The following MTSS1 variants were observed in gnomAD, a reference collection of about 807,000 sequenced individuals.
MTSS1 encodes MTSS I-BAR domain containing 1.
Under a neutral mutation model 79.0 loss-of-function variants are expected in MTSS1, and 18 were observed. The ratio of observed to expected loss-of-function variants is 0.23; its 90% CI spans 0.16 to 0.34. MTSS1 has a LOEUF of 0.34. Ranked by LOEUF, MTSS1 falls within the 10% of genes least tolerant of loss-of-function variation. MTSS1 has a pLI of 1.00. For synonymous variants in MTSS1, 341 were observed against 368.6 expected (o/e 0.93, Z 0.86); for missense variants, 815 against 986.2 (o/e 0.83, Z 2.33).
chr8:124,556,655 G>T (rs1481884773), intron 11 of MTSS1: 8 of 517,104 alleles, frequency 1.5e-5, no homozygotes, highest in Non-Finnish European at 6.8e-6. Flanking sequence ...TCACCCACCA[G>T]GTGGCAGCAG....
intron 3 of MTSS1, among the ~76,000 whole-genome samples, chr8:124,650,043 T>TC (rs1269782004): frequency 7.9e-5 from 12 of 151,044 alleles, no homozygotes; most frequent in Non-Finnish European, 1.2e-4. Flanking sequence ...TTTTTTTTTT[T>TC]CCCTCGAGAT....
At chr8:124,593,510 C>T (rs1371543375) in intron 3 of MTSS1, among the ~76,000 whole-genome samples, 1 of 152,140 alleles carries the variant, frequency 6.6e-6, no homozygotes, top group East Asian at 1.9e-4. Context: ...AAACAAAATC[C>T]CATTACAGGG....
intron 2 of MTSS1, among the ~76,000 whole-genome samples, chr8:124,703,559 G>C (rs1829997877): frequency 6.6e-6 from 1 of 152,162 alleles, no homozygotes; most frequent in South Asian, 2.1e-4. Context: ...CCAAAGTACT[G>C]GGATTACAGG....
chr8:124,672,493 CAA>C (rs113964635), intron 3 of MTSS1, among the ~76,000 whole-genome samples: 3 of 132,102 alleles, frequency 2.3e-5, no homozygotes, highest in African/African-American at 2.8e-5. Context: ...GACTCTGCCT[CAA>C]AAAAAAAAAA....
At chr8:124,658,419 G>A (rs956932462) in intron 3 of MTSS1, among the ~76,000 whole-genome samples, 1 of 152,140 alleles carries the variant, frequency 6.6e-6, no homozygotes, top group East Asian at 1.9e-4. Flanking sequence ...CCCCAGCCAC[G>A]TGGAACTGAG....
chr8:124,651,471 G>T (rs533056330), intron 3 of MTSS1, among the ~76,000 whole-genome samples: 2 of 151,684 alleles, frequency 1.3e-5, no homozygotes, highest in Non-Finnish European at 2.9e-5. Flanking sequence ...TGGTGGGGGG[G>T]GAGGGGCATA....
chr8:124,693,660 T>TCCTC (rs774879367), intron 3 of MTSS1, among the ~76,000 whole-genome samples: 8 of 152,000 alleles, frequency 5.3e-5, no homozygotes, highest in Non-Finnish European at 8.8e-5. Context: ...CCACCTGCCT[T>TCCTC]CCTCCTACAC....
chr8:124,555,705 C>T (rs767913243), intron 13 of MTSS1, 37 bp downstream of exon 13: 1 of 1,546,200 alleles, frequency 6.5e-7, no homozygotes, highest in Admixed American at 2.0e-5. Context: ...TGGTGCTGCT[C>T]AGAAAGCCTA....
At chr8:124,694,960 A>G (rs73704198) in intron 3 of MTSS1, among the ~76,000 whole-genome samples, 10 of 152,332 alleles carry the variant, frequency 6.6e-5, no homozygotes, top group African/African-American at 2.2e-4. Context: ...ATTCCATTAT[A>G]GTTTAATTAT....
intron 3 of MTSS1, among the ~76,000 whole-genome samples, chr8:124,598,453 A>C (rs1488871570): frequency 6.6e-6 from 1 of 152,132 alleles, no homozygotes; most frequent in Non-Finnish European, 1.5e-5. Context: ...CCTGGTGAGC[A>C]CTGGCGTAGG....
At chr8:124,703,580 C>T (rs1328349681) in intron 2 of MTSS1, among the ~76,000 whole-genome samples, 1 of 152,122 alleles carries the variant, frequency 6.6e-6, no homozygotes, top group African/African-American at 2.4e-5. Flanking sequence ...TGTGAGCCAC[C>T]ACACCCAGCC....
chr8:124,596,108 C>T (rs1832710291), intron 3 of MTSS1, among the ~76,000 whole-genome samples: 2 of 152,200 alleles, frequency 1.3e-5, no homozygotes, highest in Non-Finnish European at 2.9e-5. Flanking sequence ...GCCTGAGTCT[C>T]CAGTGATGTC....
chr8:124,590,482 G>A (rs1831664214), intron 4 of MTSS1, among the ~76,000 whole-genome samples: 1 of 152,138 alleles, frequency 6.6e-6, no homozygotes, highest in African/African-American at 2.4e-5. Flanking sequence ...GAAGAGTGAC[G>A]AGACCCAGAA....
At chr8:124,704,004 A>G (rs1830065926) in intron 2 of MTSS1, 126 bp downstream of exon 2, 1 of 795,594 alleles carries the variant, frequency 1.3e-6, no homozygotes, top group East Asian at 2.5e-5. Context: ...ATCAGAACCC[A>G]GCACAGGCTT....
chr8:124,570,565 A>G (rs538336731), intron 6 of MTSS1, among the ~76,000 whole-genome samples: 1 of 152,310 alleles, frequency 6.6e-6, no homozygotes, highest in Non-Finnish European at 1.5e-5. Flanking sequence ...ACATGTATGC[A>G]TGGGAAAAAC....
At chr8:124,633,723 T>C (rs1816460091) in intron 3 of MTSS1, among the ~76,000 whole-genome samples, 1 of 150,332 alleles carries the variant, frequency 6.7e-6, no homozygotes, top group Non-Finnish European at 1.5e-5. Context: ...TGAGCTGAGA[T>C]CACACCACTG....
rs758439783 is a variant in MTSS1 at position 124,699,565 on chromosome 8, C to T, written c.169G>A (p.Ala57Thr). ...GCCATGTCAGCCACTTTCTGAAAGG[C>T]GTCCAAGAAGGCAGCTGCTGCTACT... ...TVVAAAAFLD[A>T]FQKVADMATN... The change falls in exon 3 of 14, where the codon GCC becomes ACC. Residue 57 changes from alanine (A) to threonine (T), a missense_variant. Ala to Thr is a moderately conservative substitution (Grantham distance 58). Around this residue, in one of 2 missense-constraint regions of MTSS1, gnomAD observed 225 missense variants for 365.4 expected, o/e 0.62. Coordinates refer to ENST00000518547, the MANE Select transcript of MTSS1 (RefSeq NM_014751.6). 5.0e-6 allele frequency: 8 copies of T among 1,614,162 alleles called. No individual in the cohort carries two copies. Among genetic ancestry groups the T allele is most frequent in the Non-Finnish European group, 5.9e-6 (7 of 1,180,022 alleles).
Position 124,597,770 on chromosome 8 carries a change from C to T in MTSS1, c.209-6535G>A, listed in dbSNP as rs1438037359. On this transcript the variant is annotated intron_variant, in intron 3 of 13. Transcript: ENST00000518547. The surrounding 1 kb of genome is among the most constrained non-coding windows in gnomAD (Gnocchi z 4.6). ...AACTGCTTTGGTGAAAGTGTGCCGC[C>T]GTCACAGTAAGTCACTGTGCATCTC... Among the ~76,000 whole-genome samples, 4 of 152,198 alleles carry T rather than the reference C, an allele frequency of 2.6e-5. No individual in the cohort carries two copies. Among genetic ancestry groups the T allele is most frequent in the South Asian group, 2.1e-4 (1 of 4,828 alleles).
In MTSS1 at chr8:124,656,793, AAAAAAAG is replaced by A. The variant is rs1352477729; in HGVS notation, c.208+42726_208+42732del. ...TGAGACTCCATCTCAAAAAAAAAAA[AAAAAAAG>A]AAAAAAGAAAAAAAGGAAAAAAAAA... On this transcript the variant is annotated intron_variant, in intron 3 of 13. Coordinates refer to ENST00000518547, the MANE Select transcript of MTSS1 (RefSeq NM_014751.6). 5.4e-4 allele frequency among the ~76,000 whole-genome samples: 81 copies of A among 150,962 alleles called. 1 individual carries two copies. Among genetic ancestry groups the A allele is most frequent in the Non-Finnish European group, 9.0e-4 (61 of 67,854 alleles).
Sources: gnomAD v4.1 joint callset for allele counts (sites outside exome capture counted in the v4.1 genomes callset) on GRCh38, gnomAD v4.1.1 for gene constraint, gnomAD v4.1.1 regional missense constraint, Gnocchi (gnomAD v3.1) non-coding constraint, MANE v1.5 for transcripts, NCBI Gene and HGNC (gene_info 2026-07-23, HGNC 2026-07-21) for gene names.